Variants in CDH13 observed in about 807,000 individuals in gnomAD.
CDH13 encodes the protein cadherin-13.
In CDH13, 24 loss-of-function variants were observed where a neutral mutation model predicts 63.8. The ratio of observed to expected loss-of-function variants is 0.38; its 90% CI spans 0.27 to 0.53. The LOEUF (loss-of-function observed/expected upper bound fraction) is 0.53. Ranked by LOEUF, CDH13 falls within the 20% of genes least tolerant of loss-of-function variation. The pLI is 0.85. For missense variants in CDH13, 1,049 were observed against 903.1 expected (o/e 1.16, Z -2.07); for synonymous variants, 503 against 355.3 (o/e 1.42, Z -4.67).
chr16:83,213,769 C>T (rs1240022192), intron 4 of CDH13, among the ~76,000 whole-genome samples: 3 of 152,088 alleles, frequency 2.0e-5, no homozygotes, highest in Non-Finnish European at 2.9e-5. Flanking sequence ...GCTGGACTTC[C>T]TGGGTGGAGT....
intron 2 of CDH13, among the ~76,000 whole-genome samples, chr16:82,874,775 T>A (rs1163428037): frequency 6.6e-6 from 1 of 152,108 alleles, no homozygotes; most frequent in Non-Finnish European, 1.5e-5. Flanking sequence ...GGAAGTCTGT[T>A]GAATTGAAAA....
At chr16:83,329,293 T>C (rs565495752) in intron 5 of CDH13, among the ~76,000 whole-genome samples, 57 of 152,318 alleles carry the variant, frequency 3.7e-4, no homozygotes, top group African/African-American at 1.2e-3. Flanking sequence ...TGGCACAGTC[T>C]CAGCTCACTG....
intron 4 of CDH13, among the ~76,000 whole-genome samples, chr16:83,136,629 C>T (rs1173912334): frequency 3.3e-5 from 5 of 152,188 alleles, no homozygotes; most frequent in Admixed American, 1.3e-4. Context: ...ACTGGGCTCT[C>T]ATAGCTGTTC....
At chr16:83,780,900 G>T (rs567345572) in intron 12 of CDH13, among the ~76,000 whole-genome samples, 41 of 152,324 alleles carry the variant, frequency 2.7e-4, no homozygotes, top group African/African-American at 9.9e-4. Context: ...GCGCATTGGA[G>T]AGGCTTTTCG....
At chr16:83,073,215 G>T (rs1311641088) in intron 3 of CDH13, among the ~76,000 whole-genome samples, 2 of 152,050 alleles carry the variant, frequency 1.3e-5, no homozygotes, top group Non-Finnish European at 2.9e-5. Context: ...CAGGTCGTCT[G>T]GTTCCAGAGC....
chr16:82,962,764 A>G (rs1293885282), intron 2 of CDH13, among the ~76,000 whole-genome samples: 1 of 152,188 alleles, frequency 6.6e-6, no homozygotes, highest in Non-Finnish European at 1.5e-5. Flanking sequence ...TCAGATCTCA[A>G]GGTGTCAGTA....
chr16:83,065,017 C>T (rs1004220421), intron 3 of CDH13, among the ~76,000 whole-genome samples: 1 of 152,132 alleles, frequency 6.6e-6, no homozygotes, highest in Non-Finnish European at 1.5e-5. Context: ...CCCTCCCCTG[C>T]ACCCCCAGCC....
chr16:83,500,309 C>CTT (rs1483585009), intron 7 of CDH13, among the ~76,000 whole-genome samples: 14 of 818 alleles, frequency 0.017, no homozygotes, highest in Non-Finnish European at 0.086. Flanking sequence ...TCTCCTTCTC[C>CTT]TTCTCCTTCT....
At chr16:83,452,619 G>C (rs971103379) in intron 6 of CDH13, among the ~76,000 whole-genome samples, 61 of 152,050 alleles carry the variant, frequency 4.0e-4, no homozygotes, top group African/African-American at 1.4e-3. Context: ...TAATAATATA[G>C]AATAACCAGA....
At chr16:83,351,240 A>C (rs1336646248) in intron 6 of CDH13, among the ~76,000 whole-genome samples, 1 of 147,480 alleles carries the variant, frequency 6.8e-6, no homozygotes, top group African/African-American at 2.5e-5. Context: ...TGCCCCAACC[A>C]ATCCTATGTG....
At chr16:83,583,130 C>T (rs1220444993) in intron 7 of CDH13, among the ~76,000 whole-genome samples, 1 of 152,160 alleles carries the variant, frequency 6.6e-6, no homozygotes, top group Non-Finnish European at 1.5e-5. Flanking sequence ...AAGCTCCAGT[C>T]TCTGCTTCCA....
At chr16:83,601,820 C>T (rs1192533035) in intron 7 of CDH13, among the ~76,000 whole-genome samples, 2 of 151,982 alleles carry the variant, frequency 1.3e-5, no homozygotes, top group African/African-American at 2.4e-5. Flanking sequence ...AGGGGCCGGG[C>T]GTGGTGGCTC....
intron 8 of CDH13, among the ~76,000 whole-genome samples, chr16:83,644,054 C>T (rs907060029): frequency 1.3e-5 from 2 of 152,224 alleles, no homozygotes; most frequent in South Asian, 2.1e-4. Context: ...AGATCAGCCC[C>T]CGCCAGCTCC....
At chr16:83,714,726 T>G (rs1349821558) in intron 10 of CDH13, among the ~76,000 whole-genome samples, 1 of 152,148 alleles carries the variant, frequency 6.6e-6, no homozygotes, top group Non-Finnish European at 1.5e-5. Context: ...CCTGGCATCT[T>G]TGGATGTGTT....
chr16:82,943,135 G>C (rs1030756319), intron 2 of CDH13, among the ~76,000 whole-genome samples: 2 of 152,136 alleles, frequency 1.3e-5, no homozygotes, highest in African/African-American at 2.4e-5. Context: ...TTTGATTTGA[G>C]AGTTTAGCAT....
intron 8 of CDH13, among the ~76,000 whole-genome samples, chr16:83,665,533 C>G (rs115437580): frequency 2.0e-5 from 3 of 152,158 alleles, no homozygotes; most frequent in Non-Finnish European, 4.4e-5. Context: ...GATGGTCTCT[C>G]CCCTACCCTT....
At chr16:82,830,800 C>A (rs189391681) in intron 1 of CDH13, among the ~76,000 whole-genome samples, 70 of 152,248 alleles carry the variant, frequency 4.6e-4, no homozygotes, top group Non-Finnish European at 7.9e-4. Context: ...ATTACCATGA[C>A]CGTGAAAATA....
intron 1 of CDH13, among the ~76,000 whole-genome samples, chr16:82,670,626 C>T (rs972453039): frequency 3.3e-5 from 5 of 152,096 alleles, no homozygotes; most frequent in Non-Finnish European, 7.4e-5. Flanking sequence ...AACAGATTCT[C>T]GGAATGAGCT....
At chr16:83,223,672 C>G (rs906433001) in intron 5 of CDH13, among the ~76,000 whole-genome samples, 2 of 152,210 alleles carry the variant, frequency 1.3e-5, no homozygotes, top group Non-Finnish European at 2.9e-5. Context: ...CAGTCTCACG[C>G]TGGTGCATCT....
Sources: allele counts gnomAD v4.1 joint callset (sites outside exome capture counted in the v4.1 genomes callset), GRCh38; gene constraint gnomAD v4.1.1; transcripts MANE v1.5; gene names NCBI Gene and HGNC (gene_info 2026-07-23, HGNC 2026-07-21).